DTNB: variants seen among roughly 807,000 people sequenced by gnomAD.
DTNB encodes the protein dystrobrevin beta.
In DTNB, 63 loss-of-function variants were observed where a neutral mutation model predicts 90.7. The ratio of observed to expected loss-of-function variants is 0.69; its 90% CI spans 0.57 to 0.86. DTNB has a LOEUF of 0.86. DTNB is among the 40% of genes least tolerant of loss of function. DTNB has a pLI of 0.00. For synonymous variants in DTNB, 277 were observed against 286.7 expected, an observed-to-expected ratio of 0.97 and a Z score of 0.34; for missense variants, 744 against 807.1, an observed-to-expected ratio of 0.92 and a Z score of 0.95.
chr2:25,409,983 A>G (rs771778508), intron 16 of DTNB, among the ~76,000 whole-genome samples: 4 of 152,196 alleles, frequency 2.6e-5, no homozygotes, highest in Non-Finnish European at 2.9e-5. Flanking sequence ...CCTAACCCAG[A>G]TCATGTCTCT....
At position 25,469,941 on chromosome 2, in the gene DTNB, T is replaced by C. The variant is rs532692752; in HGVS notation, c.1079+12855A>G. On this transcript the variant is annotated intron_variant, in intron 10 of 20. Coordinates refer to ENST00000406818, the MANE Select transcript of DTNB (RefSeq NM_021907.5). The stretch of plus-strand genomic sequence containing the variant: ...AATATCATCTGCTAAAATTTAAGGC[T>C]AGGAGAAGAAACGACCACTGTCACC... 3.9e-5 allele frequency among the ~76,000 whole-genome samples: 6 copies of C among 152,226 alleles called. No individual in the cohort carries two copies. In the East Asian group the frequency reaches 9.6e-4, roughly 24 times the overall value.
intron 5 of DTNB, chr2:25,599,074 C>T (rs1358097809): frequency 6.6e-6 from 1 of 151,486 alleles, no homozygotes. Context: ...GCTAGGAAAC[C>T]TTGTAAACAA....
intron 19 of DTNB, among the ~76,000 whole-genome samples, chr2:25,382,519 C>CTTTTTTTTT (rs3041261): frequency 5.6e-5 from 4 of 72,050 alleles, no homozygotes; most frequent in Non-Finnish European, 7.6e-5. Context: ...AGTTCTCTGC[C>CTTTTTTTTT]TTTTTTTTTT....
At position 25,634,231 on chromosome 2, in the gene DTNB, G is replaced by T. The variant is rs2076550554; in HGVS notation, c.148+4783C>A. Reference sequence around the variant, plus strand: ...CCGGCCAGCCGCCCTGTCCGGGAGGGAGGTGGGGGGGTCAGCCCCCCGCCC... The same window carrying T: ...CCGGCCAGCCGCCCTGTCCGGGAGGTAGGTGGGGGGGTCAGCCCCCCGCCC... On this transcript the variant is annotated intron_variant, in intron 3 of 20. Coordinates refer to ENST00000406818, the MANE Select transcript of DTNB (RefSeq NM_021907.5). Among the ~76,000 whole-genome samples, 2 of 123,222 alleles carry T rather than the reference G, an allele frequency of 1.6e-5. 1 individual carries two copies. Among genetic ancestry groups the T allele is most frequent in the African/African-American group, 5.5e-5 (2 of 36,536 alleles). The allele number at this position is 123,222 out of a possible 152,430, so 80.8% of individuals were successfully genotyped here. A position where few individuals can be genotyped will look rare whatever the true frequency, so the allele number is the denominator to read the frequency against.
At chr2:25,642,469 C>T (rs1327778955) in intron 2 of DTNB, among the ~76,000 whole-genome samples, 1 of 151,156 alleles carries the variant, frequency 6.6e-6, no homozygotes, top group East Asian at 2.0e-4. Context: ...AGCTGGAATG[C>T]AGTGGTGCAA....
At chr2:25,500,346 T>C (rs2070260449) in intron 9 of DTNB, among the ~76,000 whole-genome samples, 1 of 152,172 alleles carries the variant, frequency 6.6e-6, no homozygotes, top group South Asian at 2.1e-4. Flanking sequence ...ATAAGCCATT[T>C]GGGATAGCAA....
intron 6 of DTNB, among the ~76,000 whole-genome samples, chr2:25,586,017 G>A (rs1461189194): frequency 6.6e-6 from 1 of 152,008 alleles, no homozygotes; most frequent in Non-Finnish European, 1.5e-5. Flanking sequence ...ATTTGTTATG[G>A]ATAAAGGAAA....
chr2:25,584,180 T>C (rs1281489965), intron 6 of DTNB, among the ~76,000 whole-genome samples: 2 of 152,232 alleles, frequency 1.3e-5, no homozygotes, highest in Non-Finnish European at 1.5e-5. Flanking sequence ...TAAGACATTA[T>C]TGGTCTTTTT....
rs2066490435 is a variant in DTNB, at chr2:25,604,040, C to T, written c.448+3196G>A. ...TTAAATCCTTATTTTAAATAGAATG[C>T]TAAGAGGTTTGGTTATTACTTCTCT... On this transcript the variant is annotated intron_variant, in intron 5 of 20. Transcript: ENST00000406818. 3.9e-5 allele frequency among the ~76,000 whole-genome samples: 6 copies of T among 152,242 alleles called. No homozygotes were observed. The South Asian group carries it at 1.2e-3, about 32-fold the overall frequency.
At position 25,459,525 on chromosome 2, in the gene DTNB, G is replaced by A. The variant is rs187728821; in HGVS notation, c.1080-4031C>T. ...ATTTTATTTCTTGAGATGGAGTCTC[G>A]CTCTGTTGCCCAGGCTGGAGCGCAG... On this transcript the variant is annotated intron_variant, in intron 10 of 20. Coordinates refer to ENST00000406818, the MANE Select transcript of DTNB (RefSeq NM_021907.5). Among the ~76,000 whole-genome samples, 69 of 152,092 alleles carry A rather than the reference G, an allele frequency of 4.5e-4. No homozygotes were observed. The Middle Eastern group carries it at 0.01, about 23-fold the overall frequency.
At chr2:25,655,249 T>C (rs964701632) in intron 1 of DTNB, among the ~76,000 whole-genome samples, 3 of 152,206 alleles carry the variant, frequency 2.0e-5, no homozygotes, top group African/African-American at 7.2e-5. Flanking sequence ...TTCTTCCTCT[T>C]ACTACAAGAG....
intron 12 of DTNB, among the ~76,000 whole-genome samples, chr2:25,450,344 A>G (rs1294835123): frequency 6.6e-6 from 1 of 152,212 alleles, no homozygotes; most frequent in Non-Finnish European, 1.5e-5. Context: ...CTTTGTTGAA[A>G]GTCATTTGAC....
At chr2:25,609,186 A>G (rs1199334668) in intron 4 of DTNB, among the ~76,000 whole-genome samples, 1 of 152,214 alleles carries the variant, frequency 6.6e-6, no homozygotes, top group Non-Finnish European at 1.5e-5. Flanking sequence ...TTAGCCAGAG[A>G]TGGTATCTAT....
intron 12 of DTNB, among the ~76,000 whole-genome samples, chr2:25,449,095 CAG>C (rs1307840257): frequency 2.0e-5 from 3 of 152,084 alleles, no homozygotes; most frequent in Non-Finnish European, 4.4e-5. Context: ...TAGAAAAAAA[CAG>C]TACGTACTTT....
At chr2:25,640,047 A>ACTG (rs1258223630) in intron 2 of DTNB, among the ~76,000 whole-genome samples, 7 of 152,232 alleles carry the variant, frequency 4.6e-5, no homozygotes, top group Non-Finnish European at 1.0e-4. Context: ...AGATGTCAGC[A>ACTG]CTGAACGCTG....
chr2:25,620,330 G>C (rs1289064129), intron 4 of DTNB, among the ~76,000 whole-genome samples: 2 of 152,120 alleles, frequency 1.3e-5, no homozygotes, highest in Non-Finnish European at 2.9e-5. Context: ...TTCTGAAGTG[G>C]GAAGTTACAT....
At chr2:25,406,222 A>C (rs1004064654) in intron 16 of DTNB, among the ~76,000 whole-genome samples, 1 of 152,138 alleles carries the variant, frequency 6.6e-6, no homozygotes, top group Non-Finnish European at 1.5e-5. Flanking sequence ...CTCTGGACTC[A>C]GAGCAGGGCT....
intron 8 of DTNB, among the ~76,000 whole-genome samples, chr2:25,550,205 C>A (rs959782326): frequency 1.3e-5 from 2 of 152,058 alleles, no homozygotes; most frequent in African/African-American, 4.8e-5. Context: ...TCCTGGCTAA[C>A]ACGGTGAAAC....
At chr2:25,388,105 AG>A in intron 17 of DTNB, 96 bp downstream of exon 17, 1 of 1,509,458 alleles carries the variant, frequency 6.6e-7, no homozygotes, top group Admixed American at 2.0e-5. Flanking sequence ...TTCCAAGCAA[AG>A]AGCACAAAAC....
Sources: allele counts gnomAD v4.1 joint callset (sites outside exome capture counted in the v4.1 genomes callset), GRCh38; gene constraint gnomAD v4.1.1; transcripts MANE v1.5; gene names NCBI Gene and HGNC (gene_info 2026-07-23, HGNC 2026-07-21).